DDX10: variants seen among roughly 807,000 people sequenced by gnomAD.
DDX10 encodes probable ATP-dependent RNA helicase DDX10.
A neutral mutation model predicts 104.3 loss-of-function variants in DDX10; 74 were observed. The observed-to-expected ratio is 0.71, with a 90% CI of 0.59 to 0.86. The LOEUF is 0.86. DDX10 is among the 40% of genes least tolerant of loss of function. DDX10 has a pLI of 0.00. For missense variants in DDX10, 952 were observed against 1,040.0 expected (o/e 0.92, Z 1.16); for synonymous variants, 351 against 353.4 (o/e 0.99, Z 0.08).
chr11:108,889,847 A>T (rs971074197), intron 16 of DDX10, among the ~76,000 whole-genome samples: 1 of 152,360 alleles, frequency 6.6e-6, no homozygotes, highest in African/African-American at 2.4e-5. Context: ...CATCATAAGT[A>T]TAAATGATTG....
chr11:108,839,720 A>T lies in DDX10; in HGVS notation c.2085+1155A>T, dbSNP rs566747467. The stretch of plus-strand genomic sequence containing the variant: ...AAGTCACAAAATCGTGTGCCATTCA[A>T]AGGTGGTGGAAGTTGAAGAGGAAGC... On this transcript the variant is annotated intron_variant, in intron 14 of 17. Coordinates refer to ENST00000322536, the MANE Select transcript of DDX10 (RefSeq NM_004398.4). 1.1e-3 allele frequency among the ~76,000 whole-genome samples: 175 copies of T among 152,308 alleles called. 1 individual carries two copies. The highest frequency in any genetic ancestry group is 4.2e-3 in the African/African-American group (173 of 41,574).
At chr11:108,874,414 C>T (rs1383374168) in intron 16 of DDX10, among the ~76,000 whole-genome samples, 4 of 152,190 alleles carry the variant, frequency 2.6e-5, no homozygotes, top group Admixed American at 2.6e-4. Flanking sequence ...TTTCAAGACA[C>T]TCAGAAGCTC....
intron 13 of DDX10, among the ~76,000 whole-genome samples, chr11:108,803,520 G>A (rs1346880860): frequency 1.3e-5 from 2 of 150,448 alleles, no homozygotes; most frequent in Non-Finnish European, 2.9e-5. Flanking sequence ...CTTGAACCCA[G>A]GAGGCAGAGG....
At chr11:108,803,219 CG>C (rs1423500393) in intron 13 of DDX10, among the ~76,000 whole-genome samples, 1 of 151,514 alleles carries the variant, frequency 6.6e-6, no homozygotes, top group African/African-American at 2.4e-5. Context: ...CTTTCTTACT[CG>C]GTCATTTCCA....
At chr11:108,678,978 GC>G (rs1295084558) in intron 5 of DDX10, among the ~76,000 whole-genome samples, 1 of 145,192 alleles carries the variant, frequency 6.9e-6, no homozygotes, top group Non-Finnish European at 1.5e-5. Flanking sequence ...TCCTGCCTCA[GC>G]CTCCCGATAG....
rs749672523 is a variant in DDX10 at position 108,917,873 on chromosome 11, G to C, written c.2305G>C (p.Ala769Pro). ...AGTTTCCCTTATTATTATTTTTTAG[G>C]CCAAAGATGAAGAGGAAGCCTTTCT... Reference protein sequence around the residue: ...RREANKRQAKAKDEEEAFLDW... With the variant: ...RREANKRQAKPKDEEEAFLDW... Residue 769 changes from alanine to proline, a missense_variant and splice_region_variant, in exon 17 of 18, where the codon GCC becomes CCC. Ala to Pro is a conservative substitution (Grantham distance 27). Coordinates refer to ENST00000322536, the MANE Select transcript of DDX10 (RefSeq NM_004398.4). 6.2e-7 allele frequency: 1 copy of C among 1,608,074 alleles called. No individual in the cohort carries two copies. The highest frequency in any genetic ancestry group is 1.3e-5 in the African/African-American group (1 of 74,444).
At chr11:108,766,624 ATTT>A (rs1188194317) in intron 13 of DDX10, among the ~76,000 whole-genome samples, 2 of 152,224 alleles carry the variant, frequency 1.3e-5, no homozygotes, top group Non-Finnish European at 2.9e-5. Context: ...GGTTCATAAA[ATTT>A]TTAACAAAAC....
intron 16 of DDX10, among the ~76,000 whole-genome samples, chr11:108,893,311 G>T (rs1284656259): frequency 6.6e-6 from 1 of 151,854 alleles, no homozygotes; most frequent in East Asian, 1.9e-4. Flanking sequence ...AATGAATTTT[G>T]TATTAACTTT....
chr11:108,822,242 A>C, intron 13 of DDX10: 1 of 208,940 alleles, frequency 4.8e-6, no homozygotes, highest in South Asian at 8.0e-5. Flanking sequence ...GATGATCTGA[A>C]TTCTGGTATA....
chr11:108,712,803 ACG>A (rs2094286229), intron 10 of DDX10, among the ~76,000 whole-genome samples: 11 of 149,570 alleles, frequency 7.4e-5, no homozygotes, highest in African/African-American at 2.8e-4. Flanking sequence ...TTTCTCACTT[ACG>A]TTTTTTTTTT....
At chr11:108,891,952 T>C (rs778439595) in intron 16 of DDX10, among the ~76,000 whole-genome samples, 6 of 152,140 alleles carry the variant, frequency 3.9e-5, no homozygotes, top group Non-Finnish European at 8.8e-5. Context: ...TTGTTAGTAT[T>C]ATCGATAGCT....
chr11:108,687,812 G>T (rs547575782), intron 6 of DDX10, among the ~76,000 whole-genome samples: 2 of 152,242 alleles, frequency 1.3e-5, no homozygotes, highest in East Asian at 1.9e-4. Flanking sequence ...TCTTCCCTTT[G>T]TGGATCATAA....
chr11:108,765,160 C>T (rs540680512), intron 13 of DDX10, among the ~76,000 whole-genome samples: 5 of 152,104 alleles, frequency 3.3e-5, no homozygotes, highest in East Asian at 1.9e-4. Flanking sequence ...TTCCCTAAAG[C>T]GGGTTTGTAC....
chr11:108,832,594 A>G (rs896358175), intron 13 of DDX10, among the ~76,000 whole-genome samples: 3 of 152,232 alleles, frequency 2.0e-5, no homozygotes, highest in African/African-American at 7.2e-5. Context: ...ACTGCAACTT[A>G]AAACTTCCCC....
rs1288906807 is a variant in DDX10 at position 108,688,990 on chromosome 11, A to T, written c.903A>T (p.Ile301=). 1.2e-6 allele frequency: 2 copies of T among 1,613,968 alleles called. No homozygotes were observed. Among genetic ancestry groups the T allele is most frequent in the Non-Finnish European group, 1.7e-6 (2 of 1,179,954 alleles). The part of the protein sequence containing the change: ...NYIVCELQQK[I]SVLYSFLRSH... ...TAGTCTGTGAGCTGCAGCAAAAAAT[A>T]AGTGTGCTGTATTCCTTTTTGAGAA... Residue 301 remains isoleucine (I), a synonymous_variant, in exon 7 of 18, where the codon ATA becomes ATT. Transcript: ENST00000322536.
chr11:108,754,031 G>C (rs1242731540), intron 13 of DDX10, among the ~76,000 whole-genome samples: 2 of 151,926 alleles, frequency 1.3e-5, no homozygotes, highest in Non-Finnish European at 2.9e-5. Flanking sequence ...TTTGCATTTA[G>C]TGTTGACATC....
intron 13 of DDX10, among the ~76,000 whole-genome samples, chr11:108,774,986 T>A: frequency 6.6e-6 from 1 of 152,192 alleles, no homozygotes; most frequent in East Asian, 1.9e-4. Flanking sequence ...TTGTAACAAC[T>A]TTTCTTACCA....
chr11:108,719,837 A>T lies in DDX10; in HGVS notation c.1451A>T (p.Asp484Val), dbSNP rs758680258. Residue 484 changes from aspartate (D) to valine (V), a missense_variant, in exon 12 of 18, where the codon GAT becomes GTT. Physicochemically the swap from Asp to Val is radical, Grantham distance 152 (BLOSUM62 -3). Around this residue, in one of 3 missense-constraint regions of DDX10, gnomAD observed 533 missense variants for 534.1 expected, o/e 1.00. Coordinates refer to ENST00000322536, the MANE Select transcript of DDX10 (RefSeq NM_004398.4). ...SYVRSVYLMK[D>V]KEVFDVSKLP... ...GTACGATCTGTATATCTGATGAAGG[A>T]TAAAGAAGTATTTGATGTGAGCAAG... The T allele has an allele frequency of 4.4e-6, 7 of 1,607,832 alleles. No homozygotes were observed. In the Admixed American group the frequency reaches 1.2e-4, roughly 27 times the overall value.
chr11:108,701,727 C>T (rs1443472474), intron 9 of DDX10, among the ~76,000 whole-genome samples: 1 of 130,040 alleles, frequency 7.7e-6, no homozygotes, highest in Non-Finnish European at 1.6e-5. Context: ...GACTCTGTCG[C>T]CCAGAGTGGA....
Sources: allele counts gnomAD v4.1 joint callset (sites outside exome capture counted in the v4.1 genomes callset), GRCh38; gene constraint gnomAD v4.1.1; regional missense constraint gnomAD v4.1.1; transcripts MANE v1.5; gene names NCBI Gene and HGNC (gene_info 2026-07-23, HGNC 2026-07-21).